ATF6: variants seen among roughly 807,000 people sequenced by gnomAD.
The protein encoded by ATF6 is cyclic AMP-dependent transcription factor ATF-6 alpha.
Under a neutral mutation model 83.6 loss-of-function variants are expected in ATF6, and 53 were observed. The observed-to-expected ratio is 0.63, with a 90% CI of 0.51 to 0.80. The LOEUF is 0.80. Among genes scored for constraint, ATF6 ranks in the 30% least tolerant of loss-of-function variants. ATF6 has a pLI of 0.00. For missense variants in ATF6, 744 were observed against 797.9 expected (o/e 0.93, Z 0.81); for synonymous variants, 288 against 285.8 (o/e 1.01, Z -0.08).
chr1:161,868,075 G>A lies in ATF6; in HGVS notation c.1719+4763G>A, dbSNP rs60966846. Among the ~76,000 whole-genome samples, 107 of 152,316 alleles carry A rather than the reference G, an allele frequency of 7.0e-4. 1 individual carries two copies. The East Asian group carries it at 0.018, about 26-fold the overall frequency. The stretch of plus-strand genomic sequence containing the variant: ...CCTCTGTGCTTGTGCTTCATTGGGT[G>A]GAATGTATACTAGTCTTCATGGAGA... On this transcript the variant is annotated intron_variant, in intron 14 of 15. Coordinates refer to ENST00000367942, the MANE Select transcript of ATF6 (RefSeq NM_007348.4).
At chr1:161,769,282 C>T (rs1000576782) in intron 1 of ATF6, among the ~76,000 whole-genome samples, 3 of 152,168 alleles carry the variant, frequency 2.0e-5, no homozygotes, top group East Asian at 3.8e-4. Flanking sequence ...TAGATTTACA[C>T]AATAATTGAG....
At position 161,781,996 on chromosome 1, in the gene ATF6, A is replaced by G; in HGVS notation, c.244A>G (p.Thr82Ala). The change falls in exon 3 of 16, where the codon ACA becomes GCA. Residue 82 changes from threonine (T) to alanine (A), a missense_variant. Thr to Ala is a moderately conservative substitution (Grantham distance 58, BLOSUM62 0). Transcript: ENST00000367942. ...TTGGGACATCAACAACCAAATCTGT[A>G]CAGGTAATTATGTGTTTCACTGGTA... Reference protein sequence around the residue: ...DIWDINNQICTVKDIKAEPQP... With the variant: ...DIWDINNQICAVKDIKAEPQP... 6.3e-7 allele frequency: 1 copy of G among 1,593,744 alleles called. No individual in the cohort carries two copies. Among genetic ancestry groups the G allele is most frequent in the Non-Finnish European group, 8.6e-7 (1 of 1,165,984 alleles).
intron 9 of ATF6, among the ~76,000 whole-genome samples, chr1:161,826,377 A>G (rs569438932): frequency 3.9e-5 from 6 of 152,296 alleles, no homozygotes; most frequent in East Asian, 1.9e-4. Context: ...GTGGGGATGG[A>G]TCTCATTTCC....
intron 9 of ATF6, among the ~76,000 whole-genome samples, chr1:161,831,260 A>T (rs1686053237): frequency 6.6e-6 from 1 of 152,250 alleles, no homozygotes; most frequent in African/African-American, 2.4e-5. Flanking sequence ...ATCTCACACC[A>T]GTTAAAATGG....
intron 14 of ATF6, among the ~76,000 whole-genome samples, chr1:161,881,992 A>T (rs1008907051): frequency 6.6e-6 from 1 of 152,118 alleles, no homozygotes; most frequent in Admixed American, 6.6e-5. Flanking sequence ...GTGTGTGTGG[A>T]TATCCAGTAT....
chr1:161,941,193 G>A (rs141439989), intron 15 of ATF6, among the ~76,000 whole-genome samples: 15 of 152,244 alleles, frequency 9.9e-5, no homozygotes, highest in Admixed American at 2.6e-4. Context: ...AATCTGCTGG[G>A]CTATATATTA....
intron 9 of ATF6, among the ~76,000 whole-genome samples, chr1:161,838,072 G>A (rs531955145): frequency 6.6e-6 from 1 of 152,174 alleles, no homozygotes; most frequent in Non-Finnish European, 1.5e-5. Flanking sequence ...GAGGAGTTAG[G>A]ACTTTAGTAA....
intron 15 of ATF6, 147 bp downstream of exon 15, chr1:161,912,527 A>G: frequency 2.1e-6 from 1 of 479,410 alleles, no homozygotes; most frequent in South Asian, 5.2e-5. Context: ...CTGTTTTATT[A>G]TTTTTAAGAT....
At chr1:161,822,468 T>A (rs1467187976) in intron 9 of ATF6, among the ~76,000 whole-genome samples, 2 of 152,116 alleles carry the variant, frequency 1.3e-5, no homozygotes, top group Non-Finnish European at 2.9e-5. Context: ...GCAGATTTAG[T>A]AGGGGTAGGC....
chr1:161,782,001 TA>T lies in ATF6; in HGVS notation c.247+4del, dbSNP rs1458506372. On this transcript the variant is annotated splice_donor_region_variant and intron_variant, in intron 3 of 15. Transcript: ENST00000367942. ...ACATCAACAACCAAATCTGTACAGG[TA>T]ATTATGTGTTTCACTGGTAAAAGTT... The T allele has an allele frequency of 5.1e-6, 8 of 1,581,534 alleles. No individual in the cohort carries two copies. The highest frequency in any genetic ancestry group is 6.9e-6 in the Non-Finnish European group (8 of 1,159,258).
At chr1:161,836,272 T>C (rs1433247597) in intron 9 of ATF6, among the ~76,000 whole-genome samples, 2 of 152,076 alleles carry the variant, frequency 1.3e-5, no homozygotes, top group African/African-American at 4.8e-5. Flanking sequence ...TTTTTGTTGT[T>C]GTTGTTGAGC....
intron 14 of ATF6, chr1:161,891,215 A>G (rs1462868551): frequency 6.6e-6 from 1 of 152,340 alleles, no homozygotes; most frequent in Non-Finnish European, 1.5e-5. Context: ...AGGTCCCAGC[A>G]CTGCTTGGCA....
chr1:161,916,525 T>TA (rs1157869233), intron 15 of ATF6, among the ~76,000 whole-genome samples: 1 of 152,180 alleles, frequency 6.6e-6, no homozygotes, highest in Admixed American at 6.5e-5. Flanking sequence ...ATGATGATAC[T>TA]AAAAAAAATT....
chr1:161,890,451 G>A (rs2101868265), intron 14 of ATF6, among the ~76,000 whole-genome samples: 1 of 152,332 alleles, frequency 6.6e-6, no homozygotes, highest in Middle Eastern at 3.4e-3. Context: ...AAAAGAGATT[G>A]TATATTTTTG....
At chr1:161,918,310 C>G (rs1688141254) in intron 15 of ATF6, among the ~76,000 whole-genome samples, 1 of 152,008 alleles carries the variant, frequency 6.6e-6, no homozygotes, top group Non-Finnish European at 1.5e-5. Flanking sequence ...CTAATCTTTT[C>G]AAGTGTAAAG....
At chr1:161,871,322 T>G (rs1467253732) in intron 14 of ATF6, among the ~76,000 whole-genome samples, 2 of 151,484 alleles carry the variant, frequency 1.3e-5, no homozygotes, top group African/African-American at 4.8e-5. Context: ...CTTCTAAAGT[T>G]ACTTTGAAAA....
At chr1:161,943,017 G>A (rs1309773370) in intron 15 of ATF6, among the ~76,000 whole-genome samples, 4 of 152,132 alleles carry the variant, frequency 2.6e-5, no homozygotes, top group South Asian at 2.1e-4. Flanking sequence ...CGTGACACCC[G>A]GCTAATTTTT....
At position 161,768,332 on chromosome 1, in the gene ATF6, C is replaced by T. The variant is rs1174827988; in HGVS notation, c.82+1890C>T. Among the ~76,000 whole-genome samples, 10 of 152,176 alleles carry T rather than the reference C, an allele frequency of 6.6e-5. 1 individual carries two copies. The South Asian group carries it at 1.9e-3, about 28-fold the overall frequency. On this transcript the variant is annotated intron_variant, in intron 1 of 15. Coordinates refer to ENST00000367942, the MANE Select transcript of ATF6 (RefSeq NM_007348.4). ...GACTCACTTCTATCGGGTATCCTGC[C>T]CTGTCCCTCCCTGAATGTGCCCATT... is the stretch of plus-strand genomic sequence containing the variant.
chr1:161,854,505 G>A (rs1408908396), intron 12 of ATF6, among the ~76,000 whole-genome samples: 3 of 152,218 alleles, frequency 2.0e-5, no homozygotes, highest in Non-Finnish European at 4.4e-5. Context: ...CTGTGTGCTC[G>A]AGAAGAAGAC....
Sources: gnomAD v4.1 joint callset for allele counts (sites outside exome capture counted in the v4.1 genomes callset) on GRCh38, gnomAD v4.1.1 for gene constraint, MANE v1.5 for transcripts, NCBI Gene and HGNC (gene_info 2026-07-23, HGNC 2026-07-21) for gene names.